Variants in GFRA1 observed in about 807,000 individuals in gnomAD.
GFRA1 encodes the protein GDNF family receptor alpha 1.
In GFRA1, 16 loss-of-function variants were observed where a neutral mutation model predicts 51.6. The observed-to-expected ratio is 0.31, with a 90% CI of 0.21 to 0.47. The LOEUF is 0.47. Ranked by LOEUF, GFRA1 falls within the 20% of genes least tolerant of loss-of-function variation. The pLI, the probability that GFRA1 is intolerant of heterozygous loss-of-function variation, is 1.00. For missense variants in GFRA1, 530 were observed against 594.3 expected (o/e 0.89, Z 1.13); for synonymous variants, 270 against 241.3 (o/e 1.12, Z -1.10).
At chr10:116,224,462 T>C (rs1182812276) in intron 4 of GFRA1, among the ~76,000 whole-genome samples, 4 of 152,174 alleles carry the variant, frequency 2.6e-5, no homozygotes, top group Non-Finnish European at 5.9e-5. Flanking sequence ...AACTGACGAA[T>C]GGATAAATAA....
rs1471371675 is a variant in GFRA1, at chr10:116,089,760, G to T, written c.1178C>A (p.Pro393Gln). The change falls in exon 9 of 11, where the codon CCA (proline) becomes CAA (glutamine). Residue 393 changes from proline (P) to glutamine (Q), a missense_variant. Pro to Gln is a moderately conservative substitution (Grantham distance 76, BLOSUM62 -1). Coordinates refer to ENST00000355422, the MANE Select transcript of GFRA1 (RefSeq NM_005264.8). Reference protein sequence around the residue: ...SENEIPTHVLPPCANLQAQKL... With the variant: ...SENEIPTHVLQPCANLQAQKL... ...TCTCACCTGTAAATTTGCACACGGT[G>T]GCAAAACATGAGTGGGAATTTCATT... is the stretch of plus-strand genomic sequence containing the variant. 6.2e-7 allele frequency: 1 copy of T among 1,613,940 alleles called. No individual in the cohort carries two copies. The highest frequency in any genetic ancestry group is 1.1e-5 in the South Asian group (1 of 91,084).
rs1426906598 is a variant in GFRA1, at chr10:116,064,061, CATCATCATGATCATGATG to C, written c.*319_*336del. Reference sequence around the variant, plus strand: ...AAATCATCATCATGATCATGATGATCATCATCATGATCATGATGATCATCATCATGATCATCATCATCA... The same window carrying C: ...AAATCATCATCATGATCATGATGATCATCATCATCATGATCATCATCATCA... On this transcript the variant is annotated 3_prime_UTR_variant, in exon 11 of 11. Coordinates refer to ENST00000355422, the MANE Select transcript of GFRA1 (RefSeq NM_005264.8). The C allele has an allele frequency of 2.2e-5, 3 of 133,694 alleles. No individual in the cohort carries two copies. The highest frequency in any genetic ancestry group is 1.6e-4 in the East Asian group (1 of 6,398). 8.3% of individuals were successfully genotyped at this position (133,694 alleles called of 1,614,324 possible). A position where few individuals can be genotyped will look rare whatever the true frequency, so the allele number is the denominator to read the frequency against.
chr10:116,238,727 AG>A (rs1451288311), intron 4 of GFRA1, among the ~76,000 whole-genome samples: 1 of 152,236 alleles, frequency 6.6e-6, no homozygotes, highest in Non-Finnish European at 1.5e-5. Flanking sequence ...GGGATATTAC[AG>A]ATTTCTCCAA....
At chr10:116,204,850 G>C (rs1964606986) in intron 5 of GFRA1, among the ~76,000 whole-genome samples, 1 of 152,110 alleles carries the variant, frequency 6.6e-6, no homozygotes, top group South Asian at 2.1e-4. Flanking sequence ...CCCTCAATGA[G>C]GTGGAGCATA....
chr10:116,092,096 TACACACACACACACACAC>T (rs58442181), intron 8 of GFRA1, among the ~76,000 whole-genome samples: 119 of 138,210 alleles, frequency 8.6e-4, no homozygotes, highest in East Asian at 7.9e-3. Flanking sequence ...CATACATACG[TACACACACACACACACAC>T]ACACACACAC....
chr10:116,111,929 C>A (rs533495448), intron 6 of GFRA1, among the ~76,000 whole-genome samples: 1 of 152,204 alleles, frequency 6.6e-6, no homozygotes, highest in Admixed American at 6.5e-5. Context: ...CCTGCATGTG[C>A]GCTCTGTGGG....
At chr10:116,218,697 C>T (rs1965727442) in intron 4 of GFRA1, among the ~76,000 whole-genome samples, 1 of 152,208 alleles carries the variant, frequency 6.6e-6, no homozygotes, top group Admixed American at 6.5e-5. Flanking sequence ...GTTGCTCAAA[C>T]TGAACAGAGC....
At chr10:116,202,835 C>G (rs570308017) in intron 5 of GFRA1, among the ~76,000 whole-genome samples, 1 of 152,148 alleles carries the variant, frequency 6.6e-6, no homozygotes, top group South Asian at 2.1e-4. Flanking sequence ...GGACACAAAT[C>G]CAAATCATGT....
intron 5 of GFRA1, among the ~76,000 whole-genome samples, chr10:116,193,954 G>C (rs1963495305): frequency 1.3e-5 from 2 of 151,674 alleles, no homozygotes; most frequent in South Asian, 4.2e-4. Context: ...CAAGAGAATG[G>C]TGTGAACCCG....
Position 116,064,310 on chromosome 10 carries a change from A to C in GFRA1, c.*88T>G. On this transcript the variant is annotated 3_prime_UTR_variant, in exon 11 of 11. Coordinates refer to ENST00000355422, the MANE Select transcript of GFRA1 (RefSeq NM_005264.8). ...AACTGTTTCTCAACTGAGCTCCTAA[A>C]CTGGAATTTCAGCTATACAAGAGAA... The C allele has an allele frequency of 8.3e-7, 1 of 1,200,494 alleles. No homozygotes were observed. The highest frequency in any genetic ancestry group is 1.2e-6 in the Non-Finnish European group (1 of 821,786). 74.4% of individuals were successfully genotyped at this position (1,200,494 alleles called of 1,614,324 possible).
At chr10:116,123,353 C>T (rs1468034935) in intron 6 of GFRA1, among the ~76,000 whole-genome samples, 3 of 152,216 alleles carry the variant, frequency 2.0e-5, no homozygotes, top group African/African-American at 7.2e-5. Flanking sequence ...TCATAAGACG[C>T]TTGGTCATCC....
At chr10:116,199,537 C>A (rs1391205499) in intron 5 of GFRA1, among the ~76,000 whole-genome samples, 1 of 152,232 alleles carries the variant, frequency 6.6e-6, no homozygotes, top group Non-Finnish European at 1.5e-5. Context: ...TGCTTTACCA[C>A]AAATCTATAC....
chr10:116,168,144 A>ATT (rs35559235), intron 5 of GFRA1, among the ~76,000 whole-genome samples: 3 of 145,262 alleles, frequency 2.1e-5, no homozygotes, highest in African/African-American at 7.6e-5. Flanking sequence ...AAACCAGGGA[A>ATT]TTTTTTTTTT....
intron 4 of GFRA1, among the ~76,000 whole-genome samples, chr10:116,219,433 C>A (rs1965776808): frequency 1.3e-5 from 2 of 152,096 alleles, no homozygotes; most frequent in Non-Finnish European, 2.9e-5. Flanking sequence ...TAAGACTAAT[C>A]TGGGCTTAAT....
intron 4 of GFRA1, among the ~76,000 whole-genome samples, chr10:116,247,937 A>C (rs1481260735): frequency 6.6e-6 from 1 of 152,178 alleles, no homozygotes; most frequent in Admixed American, 6.5e-5. Context: ...TTATGCCATG[A>C]TACTTTAAGG....
chr10:116,222,737 C>T (rs1197732109), intron 4 of GFRA1, among the ~76,000 whole-genome samples: 1 of 152,152 alleles, frequency 6.6e-6, no homozygotes, highest in African/African-American at 2.4e-5. Context: ...CAAGATCAAC[C>T]AAATTCTTTG....
intron 5 of GFRA1, among the ~76,000 whole-genome samples, chr10:116,206,494 T>A (rs1240796097): frequency 6.6e-6 from 1 of 152,182 alleles, no homozygotes; most frequent in Non-Finnish European, 1.5e-5. Flanking sequence ...CAAACTATGA[T>A]TTATTGTTCT....
At chr10:116,094,418 T>C (rs1003334238) in intron 7 of GFRA1, among the ~76,000 whole-genome samples, 2 of 152,162 alleles carry the variant, frequency 1.3e-5, no homozygotes, top group African/African-American at 4.8e-5. Context: ...ATTCTCTAAG[T>C]CAACGGCTCC....
chr10:116,185,895 A>G (rs957266971), intron 5 of GFRA1, among the ~76,000 whole-genome samples: 2 of 152,230 alleles, frequency 1.3e-5, no homozygotes, highest in African/African-American at 2.4e-5. Flanking sequence ...GACTGGATTG[A>G]TATCTAGGCA....
Sources: gnomAD v4.1 joint callset for allele counts (sites outside exome capture counted in the v4.1 genomes callset) on GRCh38, gnomAD v4.1.1 for gene constraint, MANE v1.5 for transcripts, NCBI Gene and HGNC (gene_info 2026-07-23, HGNC 2026-07-21) for gene names.